Variants in CNBD1 observed in about 807,000 individuals in gnomAD.
CNBD1 encodes the protein cyclic nucleotide-binding domain-containing protein 1.
Under a neutral mutation model 54.4 loss-of-function variants are expected in CNBD1, and 71 were observed. That is an observed-to-expected ratio of 1.30 (90% CI 1.08 to 1.59). The LOEUF (loss-of-function observed/expected upper bound fraction) is 1.59, where lower values mean the gene tolerates loss of function less well. Among genes scored for constraint, CNBD1 ranks in the 40% most tolerant of loss-of-function variants. The pLI is 0.00. For synonymous variants in CNBD1, 182 were observed against 170.7 expected (o/e 1.07, Z -0.51); for missense variants, 659 against 518.0 (o/e 1.27, Z -2.64).
At chr8:86,890,420 C>T (rs1739128774) in intron 2 of CNBD1, among the ~76,000 whole-genome samples, 1 of 152,010 alleles carries the variant, frequency 6.6e-6, no homozygotes, top group Non-Finnish European at 1.5e-5. Context: ...GAAGAATTTT[C>T]TTCTTTTTAA....
At chr8:87,270,847 ATTAG>A (rs374206826) in intron 6 of CNBD1, among the ~76,000 whole-genome samples, 2 of 151,750 alleles carry the variant, frequency 1.3e-5, no homozygotes, top group African/African-American at 2.4e-5. Context: ...AAGAGTTTAT[ATTAG>A]TTAGTTCCTT....
At chr8:87,391,914 G>A (rs915179342) in intron 2 of CNBD1, among the ~76,000 whole-genome samples, 8 of 152,062 alleles carry the variant, frequency 5.3e-5, no homozygotes, top group African/African-American at 7.2e-5. Context: ...CACAGAATGT[G>A]AGAAAATTGC....
At chr8:87,306,172 TAAAG>T (rs1227199763) in intron 8 of CNBD1, among the ~76,000 whole-genome samples, 1 of 152,114 alleles carries the variant, frequency 6.6e-6, no homozygotes, top group Non-Finnish European at 1.5e-5. Flanking sequence ...TCACTAATGA[TAAAG>T]GAAATGCAAA....
At chr8:87,262,581 A>T (rs1343287025) in intron 6 of CNBD1, among the ~76,000 whole-genome samples, 3 of 152,166 alleles carry the variant, frequency 2.0e-5, no homozygotes, top group Non-Finnish European at 2.9e-5. Context: ...GAGCTAAGAC[A>T]TATATCTCCT....
At chr8:87,280,306 G>A (rs183176388) in intron 6 of CNBD1, among the ~76,000 whole-genome samples, 1 of 151,508 alleles carries the variant, frequency 6.6e-6, no homozygotes, top group Non-Finnish European at 1.5e-5. Flanking sequence ...TCAATCTGGA[G>A]CAGTGCTTAT....
chr8:87,368,775 A>T (rs1480020402), intron 10 of CNBD1, among the ~76,000 whole-genome samples: 1 of 152,030 alleles, frequency 6.6e-6, no homozygotes, highest in Admixed American at 6.6e-5. Context: ...CTTAGACAAA[A>T]TTATGAAATG....
At chr8:87,236,179 A>G (rs931560592) in intron 5 of CNBD1, among the ~76,000 whole-genome samples, 6 of 152,192 alleles carry the variant, frequency 3.9e-5, no homozygotes, top group African/African-American at 1.4e-4. Flanking sequence ...AATCTTATGA[A>G]GTAATGTAAA....
intron 4 of CNBD1, among the ~76,000 whole-genome samples, chr8:87,042,746 A>G (rs1265409305): frequency 6.6e-6 from 1 of 152,142 alleles, no homozygotes; most frequent in Non-Finnish European, 1.5e-5. Flanking sequence ...ATTATGTGTT[A>G]TAAATAATTA....
downstream of CNBD1, among the ~76,000 whole-genome samples, chr8:87,386,584 C>T (rs1811195213): frequency 6.6e-6 from 1 of 152,068 alleles, no homozygotes; most frequent in Non-Finnish European, 1.5e-5. Flanking sequence ...ATGAAAAAAG[C>T]CTCCAAGAAA....
downstream of CNBD1, among the ~76,000 whole-genome samples, chr8:87,387,127 A>G (rs1205426002): frequency 6.6e-6 from 1 of 152,196 alleles, no homozygotes; most frequent in Admixed American, 6.5e-5. Context: ...GAAAGGAACA[A>G]CCGGTACCAG....
intron 4 of CNBD1, among the ~76,000 whole-genome samples, chr8:87,014,556 C>T (rs529661349): frequency 6.6e-6 from 1 of 151,952 alleles, no homozygotes. Flanking sequence ...TAAATATTTG[C>T]TATCACAGTT....
At chr8:87,146,437 G>A (rs1812489774) in intron 4 of CNBD1, among the ~76,000 whole-genome samples, 1 of 152,124 alleles carries the variant, frequency 6.6e-6, no homozygotes, top group African/African-American at 2.4e-5. Context: ...TTTCTCCAAA[G>A]TCTTTAGTCC....
chr8:86,999,660 A>G (rs1348559796), intron 4 of CNBD1, among the ~76,000 whole-genome samples: 1 of 152,164 alleles, frequency 6.6e-6, no homozygotes, highest in Non-Finnish European at 1.5e-5. Context: ...TTTCTTAAGC[A>G]CATAGCAGAC....
intron 6 of CNBD1, among the ~76,000 whole-genome samples, chr8:87,282,809 A>G (rs1563537069): frequency 6.6e-6 from 1 of 152,040 alleles, no homozygotes; most frequent in African/African-American, 2.4e-5. Context: ...AATTAAATGG[A>G]CAATATCTGC....
At chr8:86,967,835 T>G (rs1808122797) in intron 4 of CNBD1, among the ~76,000 whole-genome samples, 4 of 151,972 alleles carry the variant, frequency 2.6e-5, no homozygotes, top group Admixed American at 2.6e-4. Flanking sequence ...AGTTTTGTTG[T>G]TGTTGTTTTT....
chr8:87,421,173 G>A (rs1807927530), intron 2 of CNBD1, among the ~76,000 whole-genome samples: 1 of 151,904 alleles, frequency 6.6e-6, no homozygotes, highest in South Asian at 2.1e-4. Flanking sequence ...CCTTATCTCT[G>A]CCTCTAAAAT....
At chr8:86,930,119 C>T (rs971708428) in intron 3 of CNBD1, among the ~76,000 whole-genome samples, 2 of 152,178 alleles carry the variant, frequency 1.3e-5, no homozygotes, top group African/African-American at 4.8e-5. Flanking sequence ...GCCTGGCCAT[C>T]TCGCTGTATC....
At chr8:87,074,498 T>C (rs1452394470) in intron 4 of CNBD1, among the ~76,000 whole-genome samples, 2 of 152,184 alleles carry the variant, frequency 1.3e-5, no homozygotes, top group Non-Finnish European at 1.5e-5. Context: ...GATCTCTGTG[T>C]GTGCCTAAGC....
At chr8:86,874,495 C>G (rs577555264) in intron 1 of CNBD1, among the ~76,000 whole-genome samples, 44 of 152,098 alleles carry the variant, frequency 2.9e-4, no homozygotes, top group Non-Finnish European at 5.1e-4. Context: ...GAGAGCTTTC[C>G]AGTTGTAAAT....
Sources: allele counts gnomAD v4.1 joint callset (sites outside exome capture counted in the v4.1 genomes callset), GRCh38; gene constraint gnomAD v4.1.1; transcripts MANE v1.5; gene names NCBI Gene and HGNC (gene_info 2026-07-23, HGNC 2026-07-21).